The following GPATCH8 variants were observed in gnomAD, a reference collection of about 807,000 sequenced individuals.
The protein encoded by GPATCH8 is G-patch domain containing 8.
A neutral mutation model predicts 118.3 loss-of-function variants in GPATCH8; 18 were observed. The observed-to-expected ratio is 0.15, with a 90% confidence interval of 0.11 to 0.23. GPATCH8 has a LOEUF of 0.23. Among genes scored for constraint, GPATCH8 ranks in the 10% least tolerant of loss-of-function variants. The pLI is 1.00. For missense variants in GPATCH8, 1,631 were observed against 1,873.8 expected, an observed-to-expected ratio of 0.87 and a Z score of 2.39; for synonymous variants, 659 against 684.7, an observed-to-expected ratio of 0.96 and a Z score of 0.59.
At chr17:44,440,284 T>C (rs2050645131) in intron 3 of GPATCH8, among the ~76,000 whole-genome samples, 5 of 152,276 alleles carry the variant, frequency 3.3e-5, no homozygotes, top group African/African-American at 9.6e-5. Flanking sequence ...AGACACTTAC[T>C]TGGCCAACTG....
At chr17:44,448,509 G>C (rs1334821992) in intron 3 of GPATCH8, among the ~76,000 whole-genome samples, 6 of 115,616 alleles carry the variant, frequency 5.2e-5, no homozygotes, top group East Asian at 2.9e-4. Context: ...AAAAAGGGGG[G>C]GGGGGGAAGA....
chr17:44,490,599 T>C (rs1441158555), intron 1 of GPATCH8, among the ~76,000 whole-genome samples: 3 of 151,966 alleles, frequency 2.0e-5, no homozygotes, highest in Non-Finnish European at 4.4e-5. Context: ...TTTTCATTTA[T>C]GCTGATCAGG....
chr17:44,411,806 T>C (rs189634564), intron 6 of GPATCH8, among the ~76,000 whole-genome samples: 9 of 152,280 alleles, frequency 5.9e-5, no homozygotes, highest in Admixed American at 2.0e-4. Flanking sequence ...GCAGTAAATA[T>C]TTATCAAACT....
At chr17:44,413,860 T>C (rs1383019744) in intron 6 of GPATCH8, among the ~76,000 whole-genome samples, 1 of 152,014 alleles carries the variant, frequency 6.6e-6, no homozygotes, top group Non-Finnish European at 1.5e-5. Context: ...CTTCAAGTGA[T>C]CTGCCCGCCT....
At chr17:44,482,097 G>A (rs1209353592) in intron 1 of GPATCH8, among the ~76,000 whole-genome samples, 1 of 152,052 alleles carries the variant, frequency 6.6e-6, no homozygotes, top group Non-Finnish European at 1.5e-5. Context: ...CTCCAGCCTG[G>A]GCGACAGAGT....
At chr17:44,444,623 A>G (rs2050810546) in intron 3 of GPATCH8, among the ~76,000 whole-genome samples, 1 of 152,142 alleles carries the variant, frequency 6.6e-6, no homozygotes, top group Admixed American at 6.6e-5. Flanking sequence ...AAATACAAAA[A>G]TTAGCTGGGC....
chr17:44,472,886 G>A (rs1967408770), intron 2 of GPATCH8, among the ~76,000 whole-genome samples: 1 of 151,804 alleles, frequency 6.6e-6, no homozygotes, highest in Non-Finnish European at 1.5e-5. Context: ...AGTAGAGACA[G>A]GGTTTCACCA....
intron 6 of GPATCH8, among the ~76,000 whole-genome samples, chr17:44,415,099 G>A (rs1598433864): frequency 6.6e-6 from 1 of 152,250 alleles, no homozygotes; most frequent in African/African-American, 2.4e-5. Flanking sequence ...CTAGTAATAT[G>A]GTAACTTTGT....
chr17:44,484,453 ACAC>A (rs1968615655), intron 1 of GPATCH8, among the ~76,000 whole-genome samples: 1 of 152,210 alleles, frequency 6.6e-6, no homozygotes, highest in East Asian at 1.9e-4. Flanking sequence ...TCAATATTTG[ACAC>A]CAGAGTCACA....
intron 6 of GPATCH8, 59 bp downstream of exon 6, chr17:44,424,290 T>C: frequency 1.6e-6 from 2 of 1,220,268 alleles, no homozygotes; most frequent in Non-Finnish European, 2.4e-6. Flanking sequence ...ACTCATAAAA[T>C]CCAATTGTTG....
chr17:44,487,735 T>C (rs1172241182), intron 1 of GPATCH8, among the ~76,000 whole-genome samples: 1 of 152,220 alleles, frequency 6.6e-6, no homozygotes, highest in Non-Finnish European at 1.5e-5. Context: ...ACCTAGTATT[T>C]TGTTTACTTT....
At chr17:44,481,035 C>CG in intron 1 of GPATCH8, among the ~76,000 whole-genome samples, 1 of 152,178 alleles carries the variant, frequency 6.6e-6, no homozygotes, top group South Asian at 2.1e-4. Context: ...TTCAGGCTCC[C>CG]GAGTAGCTGG....
chr17:44,413,234 A>G (rs962887376), intron 6 of GPATCH8, among the ~76,000 whole-genome samples: 2 of 152,198 alleles, frequency 1.3e-5, no homozygotes, highest in African/African-American at 4.8e-5. Context: ...AATTACAGAT[A>G]GTGAAAAACT....
intron 7 of GPATCH8, among the ~76,000 whole-genome samples, chr17:44,403,227 C>T (rs12943397): frequency 0.029 from 4,424 of 152,184 alleles, 203 homozygotes; most frequent in African/African-American, 0.1. Context: ...AGGCATGTAC[C>T]ACCATGCCCA....
At chr17:44,421,622 C>T (rs970312019) in intron 6 of GPATCH8, among the ~76,000 whole-genome samples, 10 of 151,976 alleles carry the variant, frequency 6.6e-5, no homozygotes, top group Non-Finnish European at 2.9e-5. Flanking sequence ...CCTCAGCTTC[C>T]CAAAGTGCTG....
chr17:44,430,585 G>A (rs1461911422), intron 5 of GPATCH8, among the ~76,000 whole-genome samples: 2 of 151,912 alleles, frequency 1.3e-5, no homozygotes, highest in Non-Finnish European at 2.9e-5. Flanking sequence ...CATCATAATG[G>A]TGAAAGACTG....
At chr17:44,439,860 C>T (rs1035175826) in intron 3 of GPATCH8, among the ~76,000 whole-genome samples, 1 of 151,560 alleles carries the variant, frequency 6.6e-6, no homozygotes, top group African/African-American at 2.4e-5. Context: ...CTCAGCTCAC[C>T]ACAGCCTCCA....
chr17:44,485,534 C>T (rs1968713181), intron 1 of GPATCH8, among the ~76,000 whole-genome samples: 1 of 152,180 alleles, frequency 6.6e-6, no homozygotes, highest in African/African-American at 2.4e-5. Context: ...TCAAACGATC[C>T]TCCCACCTTG....
chr17:44,455,620 C>T (rs540848615), intron 3 of GPATCH8, among the ~76,000 whole-genome samples: 81 of 151,998 alleles, frequency 5.3e-4, no homozygotes, highest in Middle Eastern at 3.4e-3. Context: ...AAATATTAAG[C>T]ATTATTTCCT....
Sources: allele counts gnomAD v4.1 joint callset (sites outside exome capture counted in the v4.1 genomes callset), GRCh38; gene constraint gnomAD v4.1.1; transcripts MANE v1.5; gene names NCBI Gene and HGNC (gene_info 2026-07-23, HGNC 2026-07-21).